PPARD: variants seen among roughly 807,000 people sequenced by gnomAD.
The protein encoded by PPARD is peroxisome proliferator activated receptor delta.
Under a neutral mutation model 39.5 loss-of-function variants are expected in PPARD, and 6 were observed. The observed-to-expected ratio is 0.15, with a 90% CI of 0.08 to 0.30. The LOEUF is 0.30. Among genes scored for constraint, PPARD ranks in the 10% least tolerant of loss-of-function variants. PPARD has a pLI of 1.00. For synonymous variants in PPARD, 210 were observed against 231.3 expected (o/e 0.91, Z 0.83); for missense variants, 397 against 596.8 (o/e 0.67, Z 3.49).
chr6:35,412,122 G>A lies in PPARD; in HGVS notation c.130+905G>A, dbSNP rs971638977. 5.9e-5 allele frequency among the ~76,000 whole-genome samples: 9 copies of A among 152,204 alleles called. No homozygotes were observed. The highest frequency in any genetic ancestry group is 4.6e-4 in the Admixed American group (7 of 15,280). ...TTTTGTATTTTTTTAGTAAAGATGG[G>A]GTTTCACCATGTTGGCCAGGCTGGT... On this transcript the variant is annotated intron_variant, in intron 3 of 7. Coordinates refer to ENST00000360694, the MANE Select transcript of PPARD (RefSeq NM_006238.5). The surrounding 1 kb of genome is among the most constrained non-coding windows in gnomAD (Gnocchi z 4.1).
At chr6:35,377,044 C>T (rs1276890160) in intron 2 of PPARD, among the ~76,000 whole-genome samples, 1 of 151,954 alleles carries the variant, frequency 6.6e-6, no homozygotes, top group African/African-American at 2.4e-5. Flanking sequence ...AAAGGGTGAC[C>T]TCCCACCCAT....
chr6:35,405,915 C>G (rs1416254154), intron 2 of PPARD, among the ~76,000 whole-genome samples: 3 of 151,864 alleles, frequency 2.0e-5, no homozygotes, highest in Non-Finnish European at 4.4e-5. Flanking sequence ...CAGGCATGAA[C>G]CACCGCACCT....
At chr6:35,415,165 C>T (rs924995953) in intron 3 of PPARD, among the ~76,000 whole-genome samples, 6 of 152,216 alleles carry the variant, frequency 3.9e-5, no homozygotes, top group African/African-American at 1.4e-4. Flanking sequence ...AGGCTGGGCC[C>T]AGCACTGTGC....
chr6:35,424,942 C>T lies in PPARD; in HGVS notation c.1078+163C>T. On this transcript the variant is annotated intron_variant, in intron 7 of 7. Coordinates refer to ENST00000360694, the MANE Select transcript of PPARD (RefSeq NM_006238.5). The surrounding 1 kb of genome is among the most constrained non-coding windows in gnomAD (Gnocchi z 7.1). The stretch of plus-strand genomic sequence containing the variant: ...GCACTGACTGAGCATGCAGGATCAG[C>T]TCCATCTCATTATGTACGTAGATAG... 1 of 1,438,408 alleles carries T rather than the reference C, an allele frequency of 7.0e-7. No individual in the cohort carries two copies. Among genetic ancestry groups the T allele is most frequent in the Non-Finnish European group, 9.1e-7 (1 of 1,100,866 alleles). 89.1% of individuals were successfully genotyped at this position (1,438,408 alleles called of 1,614,324 possible). A position where few individuals can be genotyped will look rare whatever the true frequency, so the allele number is the denominator to read the frequency against.
rs948469763 is a variant in PPARD, at chr6:35,401,482, C to T, written c.-101-9505C>T. Among the ~76,000 whole-genome samples, 1 of 152,176 alleles carries T rather than the reference C, an allele frequency of 6.6e-6. No homozygotes were observed. Among genetic ancestry groups the T allele is most frequent in the Non-Finnish European group, 1.5e-5 (1 of 68,038 alleles). ...ATAACCCCCTTGGCTCTCTGCTCCTCCCAGAATAAATACCCACATCCTCAG... is the reference window on the plus strand; with the variant it reads ...ATAACCCCCTTGGCTCTCTGCTCCTTCCAGAATAAATACCCACATCCTCAG... On this transcript the variant is annotated intron_variant, in intron 2 of 7. Coordinates refer to ENST00000360694, the MANE Select transcript of PPARD (RefSeq NM_006238.5). This position sits in a 1 kb window ranked among gnomAD's most constrained non-coding sequence, Gnocchi z 4.1.
intron 2 of PPARD, among the ~76,000 whole-genome samples, chr6:35,385,033 G>A (rs1317732465): frequency 1.4e-5 from 2 of 144,958 alleles, no homozygotes; most frequent in African/African-American, 5.5e-5. Flanking sequence ...CCCCCCACCC[G>A]GCCAGCCGCC....
chr6:35,425,385 T>C lies in PPARD; in HGVS notation c.1079-447T>C. ...AATTCCAACACAATAAATACAATAA[T>C]AACTATGCTAACTAACAGTGGTCTA... On this transcript the variant is annotated intron_variant, in intron 7 of 7. Coordinates refer to ENST00000360694, the MANE Select transcript of PPARD (RefSeq NM_006238.5). This position sits in a 1 kb window ranked among gnomAD's most constrained non-coding sequence, Gnocchi z 4.5. 9.7e-7 allele frequency: 1 copy of C among 1,026,174 alleles called. No homozygotes were observed. The highest frequency in any genetic ancestry group is 1.2e-6 in the Non-Finnish European group (1 of 855,454). The allele number at this position is 1,026,174 out of a possible 1,614,324, so 63.6% of individuals were successfully genotyped here. A position where few individuals can be genotyped will look rare whatever the true frequency, so the allele number is the denominator to read the frequency against.
chr6:35,372,880 C>A (rs1762580793), intron 2 of PPARD, among the ~76,000 whole-genome samples: 1 of 152,136 alleles, frequency 6.6e-6, no homozygotes, highest in South Asian at 2.1e-4. Flanking sequence ...TGGTTCATAC[C>A]TGTCTTAGTC....
At chr6:35,344,477 G>C (rs2267664) in intron 1 of PPARD, among the ~76,000 whole-genome samples, 1 of 151,776 alleles carries the variant, frequency 6.6e-6, no homozygotes, top group Non-Finnish European at 1.5e-5. Flanking sequence ...ACCTTACCAA[G>C]CAGAAGATTC....
At chr6:35,396,571 C>T (rs1368178571) in intron 2 of PPARD, among the ~76,000 whole-genome samples, 14 of 146,736 alleles carry the variant, frequency 9.5e-5, no homozygotes, top group African/African-American at 3.3e-4. Context: ...TGGCTCATGC[C>T]TATAATCCCA....
chr6:35,416,548 G>A (rs1478039711), intron 3 of PPARD, among the ~76,000 whole-genome samples: 1 of 152,132 alleles, frequency 6.6e-6, no homozygotes, highest in Non-Finnish European at 1.5e-5. Flanking sequence ...TGCCTGTAAA[G>A]TGGGGGTAAG....
At chr6:35,355,552 TAAAAAA>T (rs1171537260) in intron 2 of PPARD, among the ~76,000 whole-genome samples, 3 of 59,412 alleles carry the variant, frequency 5.0e-5, no homozygotes, top group African/African-American at 8.1e-5. Flanking sequence ...GCCCTGTCTG[TAAAAAA>T]AAAAAAAAAA....
At chr6:35,386,490 T>G (rs921260068) in intron 2 of PPARD, among the ~76,000 whole-genome samples, 1 of 147,710 alleles carries the variant, frequency 6.8e-6, no homozygotes, top group African/African-American at 2.7e-5. Flanking sequence ...GACCCCATCT[T>G]AAAAACAAAC....
chr6:35,419,413 C>G (rs1168089152), intron 3 of PPARD, among the ~76,000 whole-genome samples: 1 of 152,200 alleles, frequency 6.6e-6, no homozygotes, highest in Non-Finnish European at 1.5e-5. Context: ...ATAGCCTTAG[C>G]AAACTGCCTT....
At chr6:35,353,571 G>A (rs1282265790) in intron 2 of PPARD, among the ~76,000 whole-genome samples, 3 of 152,138 alleles carry the variant, frequency 2.0e-5, no homozygotes, top group Admixed American at 2.0e-4. Context: ...AGCAAGAAAG[G>A]TGAAACTTCA....
At chr6:35,367,846 C>A (rs145745830) in intron 2 of PPARD, among the ~76,000 whole-genome samples, 2 of 152,354 alleles carry the variant, frequency 1.3e-5, no homozygotes, top group East Asian at 1.9e-4. Flanking sequence ...CCCAGAACAT[C>A]ACCTCAATCA....
At chr6:35,386,771 C>A (rs532870683) in intron 2 of PPARD, among the ~76,000 whole-genome samples, 9 of 152,140 alleles carry the variant, frequency 5.9e-5, no homozygotes, top group Non-Finnish European at 1.2e-4. Flanking sequence ...AGAGACAGAC[C>A]TAGCCTTGCA....
intron 2 of PPARD, among the ~76,000 whole-genome samples, chr6:35,368,040 A>C (rs574011962): frequency 6.6e-6 from 1 of 152,344 alleles, no homozygotes; most frequent in East Asian, 1.9e-4. Flanking sequence ...GTCATGCCAT[A>C]CTGCATCCCT....
chr6:35,379,403 G>A (rs1355088320), intron 2 of PPARD, among the ~76,000 whole-genome samples: 1 of 152,152 alleles, frequency 6.6e-6, no homozygotes, highest in Non-Finnish European at 1.5e-5. Flanking sequence ...CGCCTGGCTT[G>A]CAGTAGGCAT....
Sources: allele counts gnomAD v4.1 joint callset (sites outside exome capture counted in the v4.1 genomes callset), GRCh38; gene constraint gnomAD v4.1.1; non-coding constraint Gnocchi (gnomAD v3.1); transcripts MANE v1.5; gene names NCBI Gene and HGNC (gene_info 2026-07-23, HGNC 2026-07-21).